Variants in RNF24 observed in about 807,000 individuals in gnomAD.
The protein encoded by RNF24 is ring finger protein 24.
A neutral mutation model predicts 20.0 loss-of-function variants in RNF24; 14 were observed. That is an observed-to-expected ratio of 0.70 (90% CI 0.46 to 1.10). RNF24 has a LOEUF of 1.10. RNF24 is among the 50% of genes least tolerant of loss of function. The probability of loss-of-function intolerance (pLI) is 0.00; values close to 1 mark genes in which losing one functional copy is unlikely to be tolerated. For missense variants in RNF24, 124 were observed against 177.6 expected (o/e 0.70, Z 1.71); for synonymous variants, 45 against 61.1 (o/e 0.74, Z 1.23).
intron 1 of RNF24, among the ~76,000 whole-genome samples, chr20:3,990,618 G>A (rs559844871): frequency 1.8e-4 from 27 of 152,250 alleles, no homozygotes; most frequent in African/African-American, 5.3e-4. Context: ...AGCACTTTGG[G>A]AGGCCAAGGT....
chr20:3,999,146 G>C (rs1295234628), intron 1 of RNF24, among the ~76,000 whole-genome samples: 5 of 152,186 alleles, frequency 3.3e-5, no homozygotes, highest in Non-Finnish European at 7.3e-5. Context: ...AAGAATGTCT[G>C]AGTTATGCAG....
In RNF24 at chr20:3,963,881, A is replaced by G. The variant is rs773099797; in HGVS notation, c.137T>C (p.Leu46Ser). The G allele has an allele frequency of 2.5e-6, 4 of 1,571,018 alleles. No homozygotes were observed. The highest frequency in any genetic ancestry group is 1.4e-5 in the African/African-American group (1 of 73,414). Reference protein sequence around the residue: ...FILSLLFCCYLIRLRHQAHKE... With the variant: ...FILSLLFCCYSIRLRHQAHKE... ...TAGAATGAAAATTGGTTACCTAATC[A>G]AGTAGCAACAGAAGAGTAAACTAAG... Residue 46 changes from leucine to serine, a missense_variant, in exon 2 of 6, where the codon TTG (leucine) becomes TCG (serine). By Grantham distance (145) the Leu-to-Ser change is moderately radical. Transcript: ENST00000358395.
intron 2 of RNF24, among the ~76,000 whole-genome samples, chr20:3,950,315 A>G (rs1035924604): frequency 2.0e-5 from 3 of 152,188 alleles, no homozygotes; most frequent in African/African-American, 7.2e-5. Flanking sequence ...TGCTATCCTT[A>G]TAAGAAGAGG....
intron 1 of RNF24, among the ~76,000 whole-genome samples, chr20:3,984,211 G>C (rs571899633): frequency 6.6e-6 from 1 of 151,584 alleles, no homozygotes; most frequent in Non-Finnish European, 1.5e-5. Flanking sequence ...CTCCAGTTTC[G>C]GTAACAGAGC....
chr20:3,950,570 A>C (rs114273705), intron 2 of RNF24, among the ~76,000 whole-genome samples: 4 of 152,196 alleles, frequency 2.6e-5, no homozygotes, highest in Non-Finnish European at 5.9e-5. Context: ...AAGTTACCCA[A>C]TTTGTGGCAC....
chr20:3,970,651 C>A (rs1177067051), intron 1 of RNF24, among the ~76,000 whole-genome samples: 2 of 151,860 alleles, frequency 1.3e-5, no homozygotes, highest in Non-Finnish European at 2.9e-5. Flanking sequence ...TAAAGAGGAA[C>A]AAAATGGAAA....
chr20:3,946,867 C>T (rs2091025018), intron 3 of RNF24, among the ~76,000 whole-genome samples: 2 of 152,186 alleles, frequency 1.3e-5, no homozygotes, highest in South Asian at 4.1e-4. Flanking sequence ...GCTCAGATTT[C>T]AAACATACAT....
chr20:3,984,621 A>T (rs1047427298), intron 1 of RNF24, among the ~76,000 whole-genome samples: 3 of 151,588 alleles, frequency 2.0e-5, no homozygotes, highest in Admixed American at 2.0e-4. Flanking sequence ...TCCACCAGGG[A>T]AAAAGAGATC....
At chr20:3,966,133 CAAAAAAAAAA>C (rs574975352) in intron 1 of RNF24, among the ~76,000 whole-genome samples, 3 of 81,466 alleles carry the variant, frequency 3.7e-5, no homozygotes, top group African/African-American at 5.0e-5. Flanking sequence ...GATTCCATCT[CAAAAAAAAAA>C]AAAAAAAAAA....
intron 1 of RNF24, among the ~76,000 whole-genome samples, chr20:3,992,376 C>T (rs1980518019): frequency 1.3e-5 from 2 of 152,092 alleles, no homozygotes; most frequent in South Asian, 4.1e-4. Context: ...CAGCACTTTA[C>T]CAGGCAGAAT....
At chr20:4,007,559 T>C (rs1197598572) in intron 1 of RNF24, among the ~76,000 whole-genome samples, 1 of 151,818 alleles carries the variant, frequency 6.6e-6, no homozygotes, top group Non-Finnish European at 1.5e-5. Flanking sequence ...GAAAACCAAA[T>C]AAACAAAGAA....
At chr20:4,010,897 G>A (rs1982409320) in intron 1 of RNF24, among the ~76,000 whole-genome samples, 1 of 152,158 alleles carries the variant, frequency 6.6e-6, no homozygotes, top group Admixed American at 6.6e-5. Flanking sequence ...AACGTTCGGG[G>A]GAGAATTCCT....
At position 3,945,004 on chromosome 20, in the gene RNF24, G is replaced by A. The variant is rs74753293; in HGVS notation, c.228+173C>T. ...TAAAAGTATGAGTTATATTACTCTC[G>A]TAAAGCCTTCACACAATTGATTTTT... On this transcript the variant is annotated intron_variant, in intron 4 of 5. Transcript: ENST00000358395. Among the ~76,000 whole-genome samples the A allele has an allele frequency of 4.2e-3, 632 of 152,172 alleles. 7 individuals are homozygous for A. Among genetic ancestry groups the A allele is most frequent in the African/African-American group, 0.015 (608 of 41,518 alleles).
At chr20:4,004,095 T>C in intron 1 of RNF24, among the ~76,000 whole-genome samples, 1 of 152,258 alleles carries the variant, frequency 6.6e-6, no homozygotes, top group Non-Finnish European at 1.5e-5. Context: ...TTTAGTCAAA[T>C]GCATTAGTTA....
At chr20:3,987,194 A>C (rs1195156081) in intron 1 of RNF24, among the ~76,000 whole-genome samples, 2 of 152,188 alleles carry the variant, frequency 1.3e-5, no homozygotes, top group African/African-American at 4.8e-5. Flanking sequence ...AACAACACAG[A>C]GTGATGCAGA....
chr20:4,008,928 ATT>A (rs1489692821), intron 1 of RNF24, among the ~76,000 whole-genome samples: 1 of 152,164 alleles, frequency 6.6e-6, no homozygotes, highest in Non-Finnish European at 1.5e-5. Context: ...ATTCTTCATA[ATT>A]GTTTCAATTC....
intron 2 of RNF24, among the ~76,000 whole-genome samples, chr20:3,956,016 G>GT (rs1343115247): frequency 7.9e-5 from 12 of 151,774 alleles, no homozygotes; most frequent in East Asian, 1.9e-4. Flanking sequence ...AGTTCCAGTA[G>GT]TTTTTTTTGT....
intron 2 of RNF24, among the ~76,000 whole-genome samples, chr20:3,959,694 T>G (rs112260473): frequency 0.014 from 2,145 of 152,314 alleles, 44 homozygotes; most frequent in African/African-American, 0.049. Flanking sequence ...TCTCAAGAGA[T>G]AACCCATTTT....
chr20:3,974,479 C>T, intron 1 of RNF24: 1 of 1,303,136 alleles, frequency 7.7e-7, no homozygotes, highest in Non-Finnish European at 1.0e-6. Context: ...AGCCTATTTG[C>T]CACATCAACA....
Sources: gnomAD v4.1 joint callset for allele counts (sites outside exome capture counted in the v4.1 genomes callset) on GRCh38, gnomAD v4.1.1 for gene constraint, MANE v1.5 for transcripts, NCBI Gene and HGNC (gene_info 2026-07-23, HGNC 2026-07-21) for gene names.